The following DLGAP2 variants were observed in gnomAD, a reference collection of about 807,000 sequenced individuals.
The protein encoded by DLGAP2 is disks large-associated protein 2.
In DLGAP2, 26 loss-of-function variants were observed where a neutral mutation model predicts 100.3. That is an observed-to-expected ratio of 0.26 (90% CI 0.19 to 0.36). The LOEUF is 0.36. Among genes scored for constraint, DLGAP2 ranks in the 10% least tolerant of loss-of-function variants. The pLI, the probability that DLGAP2 is intolerant of heterozygous loss-of-function variation, is 1.00. For missense variants in DLGAP2, 1,858 were observed against 1,453.2 expected, an observed-to-expected ratio of 1.28 and a Z score of -4.53; for synonymous variants, 886 against 630.1, an observed-to-expected ratio of 1.41 and a Z score of -6.08.
intron 2 of DLGAP2, among the ~76,000 whole-genome samples, chr8:1,145,082 C>G (rs919575718): frequency 4.6e-5 from 7 of 152,318 alleles, no homozygotes; most frequent in Admixed American, 3.9e-4. Flanking sequence ...AGTAGGTGGC[C>G]AAGGGACCAG....
At chr8:1,289,959 C>T (rs1023316997) in intron 3 of DLGAP2, among the ~76,000 whole-genome samples, 1 of 152,090 alleles carries the variant, frequency 6.6e-6, no homozygotes, top group Admixed American at 6.5e-5. Flanking sequence ...AATGGTAGGT[C>T]CTGGGGATAA....
At chr8:1,170,720 G>A (rs551109340) in intron 2 of DLGAP2, among the ~76,000 whole-genome samples, 32 of 149,062 alleles carry the variant, frequency 2.1e-4, no homozygotes, top group African/African-American at 5.9e-4. Flanking sequence ...CTGTGGGATC[G>A]GTGGTGATAT....
In DLGAP2 at chr8:1,661,724, C is replaced by T. The variant is rs117222872; in HGVS notation, c.1811-6605C>T. Reference sequence around the variant, plus strand: ...GAGCTCCATGATGCTATCTGGGAGGCCTGATGGCTGCTGTCCTTAGAAAGG... The same window carrying T: ...GAGCTCCATGATGCTATCTGGGAGGTCTGATGGCTGCTGTCCTTAGAAAGG... On this transcript the variant is annotated intron_variant, in intron 8 of 14. Coordinates refer to ENST00000637795, the MANE Select transcript of DLGAP2 (RefSeq NM_001346810.2). Among the ~76,000 whole-genome samples the T allele has an allele frequency of 3.9e-3, 586 of 152,190 alleles. 2 individuals carry two copies. Among genetic ancestry groups the T allele is most frequent in the Non-Finnish European group, 6.5e-3 (443 of 67,992 alleles).
At chr8:1,184,120 A>T (rs1206528610) in intron 2 of DLGAP2, among the ~76,000 whole-genome samples, 2 of 152,232 alleles carry the variant, frequency 1.3e-5, no homozygotes, top group Non-Finnish European at 2.9e-5. Context: ...CATTGTGTTT[A>T]AAGCCACTTG....
intron 4 of DLGAP2, among the ~76,000 whole-genome samples, chr8:1,503,416 T>C (rs1799792486): frequency 6.6e-6 from 1 of 152,104 alleles, no homozygotes; most frequent in Admixed American, 6.5e-5. Flanking sequence ...CATGGGGTAA[T>C]GTCTTCTTGT....
chr8:1,701,537 G>A lies in DLGAP2; in HGVS notation c.*131G>A. 3.1e-6 allele frequency: 3 copies of A among 975,840 alleles called. No individual in the cohort carries two copies. Among genetic ancestry groups the A allele is most frequent in the Non-Finnish European group, 2.9e-6 (2 of 681,894 alleles). The allele number at this position is 975,840 out of a possible 1,614,324, so 60.4% of individuals were successfully genotyped here. A position where few individuals can be genotyped will look rare whatever the true frequency, so the allele number is the denominator to read the frequency against. The stretch of plus-strand genomic sequence containing the variant: ...CTCGCTCCCGCGCTCCCCGCGCCCC[G>A]GACACAGCGGGACGCGGCCGGCGGC... On this transcript the variant is annotated 3_prime_UTR_variant, in exon 15 of 15. Coordinates refer to ENST00000637795, the MANE Select transcript of DLGAP2 (RefSeq NM_001346810.2).
At chr8:1,093,972 T>C (rs1346923826) in intron 2 of DLGAP2, among the ~76,000 whole-genome samples, 2 of 121,562 alleles carry the variant, frequency 1.6e-5, no homozygotes, top group Non-Finnish European at 1.8e-5. Flanking sequence ...TTGAAGTCCA[T>C]GCAGGCGCTC....
intron 5 of DLGAP2, among the ~76,000 whole-genome samples, chr8:1,550,179 G>A: frequency 6.6e-6 from 1 of 152,204 alleles, no homozygotes; most frequent in East Asian, 1.9e-4. Flanking sequence ...CACCTGTGTT[G>A]TGGAGAATGG....
At chr8:1,607,976 A>G (rs9774429) in intron 6 of DLGAP2, among the ~76,000 whole-genome samples, 1 of 139,824 alleles carries the variant, frequency 7.2e-6, no homozygotes, top group Non-Finnish European at 1.6e-5. Context: ...GGCGCCCGCC[A>G]TTGCCCAGGC....
chr8:1,187,005 G>A (rs1008141287), intron 2 of DLGAP2, among the ~76,000 whole-genome samples: 6 of 152,208 alleles, frequency 3.9e-5, no homozygotes, highest in South Asian at 2.1e-4. Context: ...ATCTAAGCCC[G>A]GCCTCAGTGC....
At chr8:1,122,110 C>A (rs987233713) in intron 2 of DLGAP2, among the ~76,000 whole-genome samples, 2 of 152,174 alleles carry the variant, frequency 1.3e-5, no homozygotes, top group Admixed American at 6.5e-5. Context: ...AACTTTGAGC[C>A]AGATGTGGAC....
intron 6 of DLGAP2, among the ~76,000 whole-genome samples, chr8:1,606,269 T>C (rs1327000589): frequency 1.3e-5 from 2 of 151,828 alleles, no homozygotes; most frequent in Non-Finnish European, 2.9e-5. Context: ...GAGTTATGAT[T>C]TAAGAACCAT....
chr8:926,846 T>C (rs1335999413), intron 2 of DLGAP2, among the ~76,000 whole-genome samples: 1 of 152,248 alleles, frequency 6.6e-6, no homozygotes, highest in East Asian at 1.9e-4. Flanking sequence ...GCTGCAGTTG[T>C]GTAATAATCC....
At chr8:1,634,020 A>C (rs1456702930) in intron 8 of DLGAP2, among the ~76,000 whole-genome samples, 1 of 152,238 alleles carries the variant, frequency 6.6e-6, no homozygotes, top group African/African-American at 2.4e-5. Flanking sequence ...TGCACTTTGC[A>C]GAATTAGAAA....
intron 2 of DLGAP2, among the ~76,000 whole-genome samples, chr8:1,144,380 A>C (rs1796570852): frequency 6.6e-6 from 1 of 152,248 alleles, no homozygotes; most frequent in African/African-American, 2.4e-5. Context: ...TGTGCTTTAG[A>C]AAGAATGCTG....
At chr8:833,329 A>G (rs1268078700) in intron 1 of DLGAP2, among the ~76,000 whole-genome samples, 3 of 152,196 alleles carry the variant, frequency 2.0e-5, no homozygotes, top group Non-Finnish European at 4.4e-5. Flanking sequence ...CACATTTATT[A>G]TCTTAGAGTT....
chr8:1,203,072 C>T (rs753167572), intron 2 of DLGAP2, among the ~76,000 whole-genome samples: 1 of 152,170 alleles, frequency 6.6e-6, no homozygotes, highest in Non-Finnish European at 1.5e-5. Context: ...CTCCGGCTCT[C>T]CCAAATGGGC....
intron 2 of DLGAP2, among the ~76,000 whole-genome samples, chr8:966,063 C>T (rs959303838): frequency 4.6e-5 from 7 of 152,200 alleles, no homozygotes; most frequent in Non-Finnish European, 7.3e-5. Flanking sequence ...TCTTGAGGGA[C>T]GATCACAGCT....
intron 1 of DLGAP2, among the ~76,000 whole-genome samples, chr8:760,324 C>T (rs949032032): frequency 6.6e-6 from 1 of 152,178 alleles, no homozygotes; most frequent in Admixed American, 6.5e-5. Context: ...CTCTTTAGGC[C>T]TGAATGCAGC....
Sources: allele counts gnomAD v4.1 joint callset (sites outside exome capture counted in the v4.1 genomes callset), GRCh38; gene constraint gnomAD v4.1.1; transcripts MANE v1.5; gene names NCBI Gene and HGNC (gene_info 2026-07-23, HGNC 2026-07-21).